Variants in LRCH3 observed in about 807,000 individuals in gnomAD.
The protein encoded by LRCH3 is leucine rich repeats and calponin homology domain containing 3.
Under a neutral mutation model 104.5 loss-of-function variants are expected in LRCH3, and 68 were observed. The ratio of observed to expected loss-of-function variants is 0.65; its 90% CI spans 0.54 to 0.80. The LOEUF (loss-of-function observed/expected upper bound fraction) is 0.80, where lower values mean the gene tolerates loss of function less well. LRCH3 is among the 30% of genes least tolerant of loss of function. LRCH3 has a pLI of 0.00. For synonymous variants in LRCH3, 344 were observed against 361.3 expected, an observed-to-expected ratio of 0.95 and a Z score of 0.54; for missense variants, 951 against 953.9, an observed-to-expected ratio of 1.00 and a Z score of 0.04.
Position 197,817,182 on chromosome 3 carries a change from C to T in LRCH3, c.414C>T (p.Asn138=). The T allele has an allele frequency of 6.3e-7, 1 of 1,596,344 alleles. No individual in the cohort carries two copies. The highest frequency in any genetic ancestry group is 8.5e-7 in the Non-Finnish European group (1 of 1,172,022). The change falls in exon 3 of 21, where the codon AAC becomes AAT. Residue 138 remains asparagine (N), a synonymous_variant. Coordinates refer to ENST00000425562, the MANE Select transcript of LRCH3 (RefSeq NM_001365715.1). Reference sequence around the variant, plus strand: ...TTTCTACTTACCCATTTAGTCGGAACCAACTGTCAACATTGCCGGTACACT... The same window carrying T: ...TTTCTACTTACCCATTTAGTCGGAATCAACTGTCAACATTGCCGGTACACT... ...QALTFLNISR[N]QLSTLPVHLC...
chr3:197,835,582 A>C, intron 8 of LRCH3, 92 bp from the exon 9 acceptor site: 1 of 1,314,554 alleles, frequency 7.6e-7, no homozygotes, highest in South Asian at 2.3e-5. Flanking sequence ...CATGGGGAAA[A>C]GGAAATAAGT....
intron 14 of LRCH3, among the ~76,000 whole-genome samples, chr3:197,858,501 A>C (rs569057216): frequency 6.6e-6 from 1 of 152,200 alleles, no homozygotes; most frequent in African/African-American, 2.4e-5. Context: ...TCGTAGGAAC[A>C]GGACTCACTA....
rs1481276099 is a variant in LRCH3, at chr3:197,871,352, C to G, written c.2020C>G (p.Leu674Val). The change falls in exon 19 of 21, where the codon CTA becomes GTA. Residue 674 changes from leucine to valine, a missense_variant. Transcript: ENST00000425562. ...TATTGAGTACCGGTTGAAAGTGTCTCTACCTTGTGATCTCGGAGCAGCTCT... is the reference window on the plus strand; with the variant it reads ...TATTGAGTACCGGTTGAAAGTGTCTGTACCTTGTGATCTCGGAGCAGCTCT... ...KHIEYRLKVS[L>V]PCDLGAALTD... The G allele has an allele frequency of 2.5e-6, 4 of 1,613,992 alleles. No individual in the cohort carries two copies. Among genetic ancestry groups the G allele is most frequent in the East Asian group, 2.2e-5 (1 of 44,886 alleles).
At chr3:197,872,360 G>GAA (rs56254857) in intron 19 of LRCH3, among the ~76,000 whole-genome samples, 114 of 105,388 alleles carry the variant, frequency 1.1e-3, no homozygotes, top group Non-Finnish European at 1.8e-3. Flanking sequence ...CTGTCTCAAA[G>GAA]AAAAAAAAAA....
At chr3:197,845,366 T>C (rs1197035697) in intron 10 of LRCH3, among the ~76,000 whole-genome samples, 1 of 143,062 alleles carries the variant, frequency 7.0e-6, no homozygotes, top group Non-Finnish European at 1.5e-5. Context: ...ATCGCACCAC[T>C]GCATTCAAGC....
chr3:197,824,246 G>A (rs534572796), intron 4 of LRCH3, among the ~76,000 whole-genome samples: 1 of 151,786 alleles, frequency 6.6e-6, no homozygotes, highest in South Asian at 2.1e-4. Context: ...TGTATTTTTA[G>A]TAGAGATGGG....
chr3:197,812,504 G>GTTTTTTTTTTTTTTTTTTTTTTTTTTT lies in LRCH3; in HGVS notation c.263-2378_263-2377insTTTTTTTTTTTTTTTTTTTTTTTTTTT, dbSNP rs71623380. 9.4e-4 allele frequency among the ~76,000 whole-genome samples: 46 copies of GTTTTTTTTTTTTTTTTTTTTTTTTTTT among 48,976 alleles called. 19 individuals carry two copies. The highest frequency in any genetic ancestry group is 4.5e-3 in the South Asian group (4 of 892). The allele number at this position is 48,976 out of a possible 152,430, so 32.1% of individuals were successfully genotyped here. A position where few individuals can be genotyped will look rare whatever the true frequency, so the allele number is the denominator to read the frequency against. The stretch of plus-strand genomic sequence containing the variant: ...ATATCTGTTCAAGTCTCTGCTTTCA[G>GTTTTTTTTTTTTTTTTTTTTTTTTTTT]TTTTTTTTTTTTTTTTTTTTTTTTT... On this transcript the variant is annotated intron_variant, in intron 1 of 20. Coordinates refer to ENST00000425562, the MANE Select transcript of LRCH3 (RefSeq NM_001365715.1).
At chr3:197,797,237 GAGAATTTCTTGAACCC>G (rs1731316226) in intron 1 of LRCH3, among the ~76,000 whole-genome samples, 2 of 143,382 alleles carry the variant, frequency 1.4e-5, no homozygotes, top group African/African-American at 5.1e-5. Flanking sequence ...GCTGAGGCAG[GAGAATTTCTTGAACCC>G]TGGAAGTGGA....
In LRCH3 at chr3:197,854,079, A is replaced by C. The variant is rs1418867738; in HGVS notation, c.1591-313A>C. ...GCTTCTTGTTTGTTACTGGCTCACT[A>C]AATGACCATAGGTTCTTTATGTTAT... On this transcript the variant is annotated intron_variant, in intron 13 of 20. Transcript: ENST00000425562. The surrounding 1 kb of genome is among the most constrained non-coding windows in gnomAD (Gnocchi z 4.5). 6.6e-6 allele frequency among the ~76,000 whole-genome samples: 1 copy of C among 152,128 alleles called. No homozygotes were observed. The highest frequency in any genetic ancestry group is 1.5e-5 in the Non-Finnish European group (1 of 67,988).
intron 14 of LRCH3, among the ~76,000 whole-genome samples, chr3:197,858,125 C>T (rs534371176): frequency 6.0e-4 from 91 of 152,298 alleles, no homozygotes; most frequent in Non-Finnish European, 9.6e-4. Flanking sequence ...GATTTCCACT[C>T]TCCATGTGGC....
intron 15 of LRCH3, 80 bp from the exon 16 acceptor site, chr3:197,865,343 T>C (rs551985646): frequency 1.4e-4 from 151 of 1,074,208 alleles, no homozygotes; most frequent in Non-Finnish European, 2.0e-4. Flanking sequence ...TTTTGTCTTT[T>C]ATAATTTCAA....
intron 4 of LRCH3, 74 bp downstream of exon 4, chr3:197,820,504 C>A: frequency 1.9e-6 from 2 of 1,032,108 alleles, no homozygotes; most frequent in Non-Finnish European, 3.0e-6. Context: ...CCAATCAAGA[C>A]AAAAATGTAT....
At chr3:197,801,031 G>A (rs1303385533) in intron 1 of LRCH3, among the ~76,000 whole-genome samples, 1 of 150,738 alleles carries the variant, frequency 6.6e-6, no homozygotes, top group Non-Finnish European at 1.5e-5. Context: ...GGAGGCAGAG[G>A]TTGCAGTGAG....
In LRCH3 at chr3:197,880,460, G is replaced by A. The variant is rs561003221; in HGVS notation, c.2209-3081G>A. On this transcript the variant is annotated intron_variant, in intron 20 of 20. Transcript: ENST00000425562. ...ATTCTATACTCAAATCTGCATTTCT[G>A]ATCCACTGACTTTGTTTTTCTGTTT... 2.4e-5 allele frequency: 32 copies of A among 1,341,520 alleles called. No individual in the cohort carries two copies. The East Asian group carries it at 8.0e-4, about 34-fold the overall frequency. The allele number at this position is 1,341,520 out of a possible 1,614,324, so 83.1% of individuals were successfully genotyped here. A position where few individuals can be genotyped will look rare whatever the true frequency, so the allele number is the denominator to read the frequency against.
chr3:197,857,350 C>T (rs1214470112), intron 14 of LRCH3, among the ~76,000 whole-genome samples: 2 of 148,928 alleles, frequency 1.3e-5, no homozygotes, highest in Non-Finnish European at 3.0e-5. Context: ...TATCAGTTTA[C>T]ACTGACATTG....
At chr3:197,881,211 T>A (rs1713736062) in intron 20 of LRCH3, 9 of 1,004,368 alleles carry the variant, frequency 9.0e-6, no homozygotes, top group Non-Finnish European at 9.5e-6. Flanking sequence ...CTTAGATTTC[T>A]GCTTTGAACT....
Position 197,886,941 on chromosome 3 carries a change from A to T in LRCH3, c.*3275A>T, listed in dbSNP as rs1714246266. ...TAGGGATAAATGGAAATTTCAACTT[A>T]TTTCAAATTTTGCACATATTATGAA... On this transcript the variant is annotated 3_prime_UTR_variant, in exon 21 of 21. Transcript: ENST00000425562. 1 of 152,160 alleles carries T rather than the reference A, an allele frequency of 6.6e-6. No individual in the cohort carries two copies. The highest frequency in any genetic ancestry group is 1.5e-5 in the Non-Finnish European group (1 of 68,028). 9.4% of individuals were successfully genotyped at this position (152,160 alleles called of 1,614,324 possible).
At chr3:197,842,490 C>G (rs1277605024) in intron 10 of LRCH3, among the ~76,000 whole-genome samples, 1 of 152,200 alleles carries the variant, frequency 6.6e-6, no homozygotes, top group African/African-American at 2.4e-5. Context: ...CTGTCAGTTA[C>G]AGCAACTCAA....
rs758680048 is a variant in LRCH3 at position 197,824,816 on chromosome 3, C to T, written c.641-2062C>T. ...TGAACTTCTGACCTCGTGATTCACCCGCCTTGGCCTCCCAAAGTGCTGGGA... is the reference window on the plus strand; with the variant it reads ...TGAACTTCTGACCTCGTGATTCACCTGCCTTGGCCTCCCAAAGTGCTGGGA... On this transcript the variant is annotated intron_variant, in intron 4 of 20. Coordinates refer to ENST00000425562, the MANE Select transcript of LRCH3 (RefSeq NM_001365715.1). Among the ~76,000 whole-genome samples, 23 of 151,842 alleles carry T rather than the reference C, an allele frequency of 1.5e-4. 1 individual carries two copies. Among genetic ancestry groups the T allele is most frequent in the Admixed American group, 3.3e-4 (5 of 15,228 alleles).
Sources: allele counts gnomAD v4.1 joint callset (sites outside exome capture counted in the v4.1 genomes callset), GRCh38; gene constraint gnomAD v4.1.1; non-coding constraint Gnocchi (gnomAD v3.1); transcripts MANE v1.5; gene names NCBI Gene and HGNC (gene_info 2026-07-23, HGNC 2026-07-21).